DHCR24: variants seen among roughly 807,000 people sequenced by gnomAD.
The protein encoded by DHCR24 is 24-dehydrocholesterol reductase, also known as delta(24)-sterol reductase.
In DHCR24, 28 loss-of-function variants were observed where a neutral mutation model predicts 61.2. The ratio of observed to expected loss-of-function variants is 0.46; its 90% CI spans 0.34 to 0.63. DHCR24 has a LOEUF of 0.63. Ranked by LOEUF, DHCR24 falls within the 20% of genes least tolerant of loss-of-function variation. DHCR24 has a pLI of 0.01. For synonymous variants in DHCR24, 261 were observed against 275.9 expected (o/e 0.95, Z 0.54); for missense variants, 538 against 679.1 (o/e 0.79, Z 2.31).
intron 4 of DHCR24, among the ~76,000 whole-genome samples, chr1:54,872,950 C>T (rs1414823435): frequency 6.6e-6 from 1 of 152,174 alleles, no homozygotes; most frequent in Non-Finnish European, 1.5e-5. Context: ...CCCACTTCAA[C>T]AGGACCAACT....
intron 8 of DHCR24, among the ~76,000 whole-genome samples, 180 bp from the exon 9 acceptor site, chr1:54,852,566 G>A (rs1283474216): frequency 6.6e-5 from 10 of 152,192 alleles, no homozygotes; most frequent in Admixed American, 4.6e-4. Context: ...TGCAGGTAGG[G>A]AATTGGGGCT....
chr1:54,862,949 G>A (rs771658927), intron 6 of DHCR24, among the ~76,000 whole-genome samples: 13 of 151,978 alleles, frequency 8.6e-5, no homozygotes, highest in Non-Finnish European at 1.3e-4. Flanking sequence ...AGTGGTGGGC[G>A]CCTATAGTCC....
rs574110637 is a variant in DHCR24 at position 54,869,007 on chromosome 1, C to T, written c.876+2343G>A. 2.4e-4 allele frequency among the ~76,000 whole-genome samples: 37 copies of T among 152,244 alleles called. 1 individual carries two copies. The highest frequency in any genetic ancestry group is 8.7e-4 in the African/African-American group (36 of 41,550). On this transcript the variant is annotated intron_variant, in intron 5 of 8. Coordinates refer to ENST00000371269, the MANE Select transcript of DHCR24 (RefSeq NM_014762.4). ...GCTTGAGCCTGGGAGGTGGAGGTTG[C>T]AGTGAGCCAAGATCGCACCATTGCA...
intron 6 of DHCR24, among the ~76,000 whole-genome samples, chr1:54,858,878 C>T (rs529486873): frequency 1.3e-5 from 2 of 152,220 alleles, no homozygotes; most frequent in South Asian, 2.1e-4. Flanking sequence ...TCAGGTGATC[C>T]GCCCACCTCC....
intron 6 of DHCR24, among the ~76,000 whole-genome samples, chr1:54,861,884 C>T (rs1646940291): frequency 6.6e-6 from 1 of 152,208 alleles, no homozygotes; most frequent in African/African-American, 2.4e-5. Flanking sequence ...AAAATCCTCT[C>T]CCCTTTCATC....
chr1:54,880,513 C>A lies in DHCR24; in HGVS notation c.387+3105G>T, dbSNP rs150371000. On this transcript the variant is annotated intron_variant, in intron 2 of 8. Coordinates refer to ENST00000371269, the MANE Select transcript of DHCR24 (RefSeq NM_014762.4). Reference sequence around the variant, plus strand: ...AGCGCGGTGGCTCACGCCTGTAATCCCAGCACTTTGGGAGGCCAAGGTAGG... The same window carrying A: ...AGCGCGGTGGCTCACGCCTGTAATCACAGCACTTTGGGAGGCCAAGGTAGG... 7.5e-3 allele frequency among the ~76,000 whole-genome samples: 1,146 copies of A among 152,238 alleles called. 14 individuals carry two copies. Among genetic ancestry groups the A allele is most frequent in the African/African-American group, 0.026 (1,076 of 41,536 alleles).
chr1:54,884,863 C>T (rs1040595017), intron 1 of DHCR24, among the ~76,000 whole-genome samples: 1 of 152,106 alleles, frequency 6.6e-6, no homozygotes, highest in African/African-American at 2.4e-5. Context: ...ACTGTTGGGG[C>T]CTCTGCAGGG....
chr1:54,867,554 G>A (rs1220275783), intron 5 of DHCR24, among the ~76,000 whole-genome samples: 1 of 151,970 alleles, frequency 6.6e-6, no homozygotes, highest in Non-Finnish European at 1.5e-5. Context: ...TTCAAAAGCT[G>A]GGCAAACCCC....
In DHCR24 at chr1:54,853,565, G is replaced by A; in HGVS notation, c.1266C>T (p.Gly422=). Residue 422 remains glycine, a synonymous_variant, in exon 8 of 9, where the codon GGC becomes GGT. Transcript: ENST00000371269. The part of the protein sequence containing the change: ...LCPFILPSQP[G]LVHPKGNEAE... Reference sequence around the variant, plus strand: ...CCTCATTTCCTTTGGGGTGCACTAGGCCTGGCTGGCTGGGCAGGATGAACG... The same window carrying A: ...CCTCATTTCCTTTGGGGTGCACTAGACCTGGCTGGCTGGGCAGGATGAACG... 6.2e-7 allele frequency: 1 copy of A among 1,614,098 alleles called. No individual in the cohort carries two copies. The highest frequency in any genetic ancestry group is 8.5e-7 in the Non-Finnish European group (1 of 1,180,006).
intron 5 of DHCR24, among the ~76,000 whole-genome samples, chr1:54,865,836 A>G (rs773441845): frequency 2.2e-4 from 34 of 151,934 alleles, no homozygotes; most frequent in Admixed American, 1.3e-4. Flanking sequence ...GGAAGCACGA[A>G]CTCTGGGAAT....
chr1:54,860,904 C>T (rs1043339323), intron 6 of DHCR24, among the ~76,000 whole-genome samples: 2 of 151,480 alleles, frequency 1.3e-5, no homozygotes, highest in African/African-American at 4.9e-5. Flanking sequence ...AGGAGAATGG[C>T]ATGAACCCGG....
At position 54,854,262 on chromosome 1, in the gene DHCR24, GA is replaced by G. The variant is rs141309546; in HGVS notation, c.1021-29del. 0.11 allele frequency: 174,827 copies of G among 1,593,368 alleles called. 10,436 individuals are homozygous for G. The highest frequency in any genetic ancestry group is 0.22 in the African/African-American group (16,201 of 74,382). Reference sequence around the variant, plus strand: ...GGAAAACAAAGATTAGGGTTGGAGAGAAAAAAACCAACAAGGGTTGAATGTC... The same window carrying G: ...GGAAAACAAAGATTAGGGTTGGAGAGAAAAAACCAACAAGGGTTGAATGTC... On this transcript the variant is annotated intron_variant, in intron 6 of 8. Coordinates refer to ENST00000371269, the MANE Select transcript of DHCR24 (RefSeq NM_014762.4).
intron 2 of DHCR24, among the ~76,000 whole-genome samples, chr1:54,882,486 C>T (rs1647068848): frequency 6.6e-6 from 1 of 152,216 alleles, no homozygotes; most frequent in African/African-American, 2.4e-5. Context: ...CCATTCCATT[C>T]CTAGATATTT....
chr1:54,861,529 A>G (rs1185236110), intron 6 of DHCR24, among the ~76,000 whole-genome samples: 1 of 151,994 alleles, frequency 6.6e-6, no homozygotes, highest in African/African-American at 2.4e-5. Flanking sequence ...TGTCCACCAT[A>G]TCAGTCCCTT....
chr1:54,853,397 C>T (rs1278158083), intron 8 of DHCR24, 37 bp downstream of exon 8: 1 of 1,613,550 alleles, frequency 6.2e-7, no homozygotes, highest in Non-Finnish European at 8.5e-7. Flanking sequence ...CTGGGGCTGT[C>T]AGCTAGAGGC....
chr1:54,852,188 T>C lies in DHCR24; in HGVS notation c.*45A>G. On this transcript the variant is annotated 3_prime_UTR_variant, in exon 9 of 9. Transcript: ENST00000371269. ...CAGCCAAGCTTGAGTGAAGGGAAGA[T>C]GCCTGACCACTCACACGTGTCTGTC... 1 of 1,612,508 alleles carries C rather than the reference T, an allele frequency of 6.2e-7. No homozygotes were observed. Among genetic ancestry groups the C allele is most frequent in the Non-Finnish European group, 8.5e-7 (1 of 1,179,140 alleles).
chr1:54,874,814 A>G (rs1647017780), intron 4 of DHCR24, among the ~76,000 whole-genome samples: 2 of 149,918 alleles, frequency 1.3e-5, no homozygotes, highest in Non-Finnish European at 2.9e-5. Context: ...AAATAGGGAT[A>G]ATAATCCTTC....
At chr1:54,853,761 G>C (rs1403877930) in intron 7 of DHCR24, 149 bp from the exon 8 acceptor site, 1 of 989,708 alleles carries the variant, frequency 1.0e-6, no homozygotes, top group Non-Finnish European at 1.5e-6. Flanking sequence ...CCGCCCCCCA[G>C]CCCTGGCTGA....
chr1:54,866,332 T>C (rs1646967795), intron 5 of DHCR24, among the ~76,000 whole-genome samples: 1 of 151,972 alleles, frequency 6.6e-6, no homozygotes, highest in Non-Finnish European at 1.5e-5. Context: ...ATGCCCACTG[T>C]TTTTAAAAAA....
Sources: allele counts gnomAD v4.1 joint callset (sites outside exome capture counted in the v4.1 genomes callset), GRCh38; gene constraint gnomAD v4.1.1; transcripts MANE v1.5; gene names NCBI Gene and HGNC (gene_info 2026-07-23, HGNC 2026-07-21).